The following MCM9 variants were observed in gnomAD, a reference collection of about 807,000 sequenced individuals.
MCM9 encodes the protein DNA helicase MCM9.
In MCM9, 55 loss-of-function variants were observed where a neutral mutation model predicts 72.8. The ratio of observed to expected loss-of-function variants is 0.76; its 90% confidence interval spans 0.61 to 0.95. MCM9 has a LOEUF of 0.95. Among genes scored for constraint, MCM9 ranks in the 40% least tolerant of loss-of-function variants. The probability of loss-of-function intolerance (pLI) is 0.00; values close to 1 mark genes in which losing one functional copy is unlikely to be tolerated. For synonymous variants in MCM9, 480 were observed against 503.4 expected, an observed-to-expected ratio of 0.95 and a Z score of 0.62; for missense variants, 1,279 against 1,377.0, an observed-to-expected ratio of 0.93 and a Z score of 1.13.
At chr6:118,884,665 T>C (rs188947324) in intron 8 of MCM9, among the ~76,000 whole-genome samples, 4 of 152,242 alleles carry the variant, frequency 2.6e-5, no homozygotes, top group Admixed American at 2.6e-4. Flanking sequence ...AAACCAACTA[T>C]ATGCTATCTA....
intron 13 of MCM9, among the ~76,000 whole-genome samples, chr6:118,823,240 G>A (rs1031643911): frequency 4.6e-5 from 7 of 152,124 alleles, no homozygotes; most frequent in Non-Finnish European, 1.0e-4. Flanking sequence ...GGTGGTGTAG[G>A]CTCATGAGGG....
intron 8 of MCM9, among the ~76,000 whole-genome samples, chr6:118,859,194 A>G (rs1011792264): frequency 2.6e-5 from 4 of 152,236 alleles, no homozygotes; most frequent in Admixed American, 2.6e-4. Flanking sequence ...GTGCTGGAGT[A>G]ACTGAATATC....
Position 118,888,444 on chromosome 6 carries a change from G to A in MCM9, c.1150+23206C>T, listed in dbSNP as rs994604501. Among the ~76,000 whole-genome samples the A allele has an allele frequency of 7.2e-5, 11 of 152,208 alleles. No homozygotes were observed. The East Asian group carries it at 7.7e-4, about 11-fold the overall frequency. Reference sequence around the variant, plus strand: ...AGAGCTTGCAGTGAGCCGAGATCACGCCACTGCACTCCAGCCTGGGTGACA... The same window carrying A: ...AGAGCTTGCAGTGAGCCGAGATCACACCACTGCACTCCAGCCTGGGTGACA... On this transcript the variant is annotated intron_variant, in intron 8 of 13. Transcript: ENST00000619706.
At chr6:118,916,047 G>C (rs747358309) in intron 6 of MCM9, among the ~76,000 whole-genome samples, 1 of 151,918 alleles carries the variant, frequency 6.6e-6, no homozygotes, top group East Asian at 1.9e-4. Flanking sequence ...TTTTTATAAG[G>C]ATAGAATCCT....
At chr6:118,869,599 C>CAAAAAAAAAAAAAAAAAAAAAAAAA in intron 8 of MCM9, among the ~76,000 whole-genome samples, 2 of 58,306 alleles carry the variant, frequency 3.4e-5, no homozygotes, top group Admixed American at 2.3e-4. Flanking sequence ...AAAGGATTTA[C>CAAAAAAAAAAAAAAAAAAAAAAAAA]AAAAAAAAAA....
intron 9 of MCM9, among the ~76,000 whole-genome samples, chr6:118,846,323 C>T (rs1775859412): frequency 6.6e-6 from 1 of 151,674 alleles, no homozygotes; most frequent in Non-Finnish European, 1.5e-5. Flanking sequence ...GAAATAAACA[C>T]CAGAAACCAG....
Position 118,815,416 on chromosome 6 carries a change from T to G in MCM9, c.2840A>C (p.Lys947Thr), listed in dbSNP as rs751098427. ...DHSHVSPGAT[K>T]IAVHSPKISQ... ...AATTTTAGGACTATGAACTGCTATT[T>G]TAGTTGCACCAGGTGACACATGGCT... The change falls in exon 14 of 14, where the codon AAA (lysine) becomes ACA (threonine). Residue 947 changes from lysine to threonine, a missense_variant. Physicochemically the swap from Lys to Thr is moderately conservative, Grantham distance 78 (BLOSUM62 -1). Transcript: ENST00000619706. The G allele has an allele frequency of 5.8e-5, 90 of 1,550,490 alleles. No individual in the cohort carries two copies. The highest frequency in any genetic ancestry group is 1.7e-4 in the Middle Eastern group (1 of 6,010).
chr6:118,930,402 G>A lies in MCM9; in HGVS notation c.304+1018C>T, dbSNP rs148309190. ...GCTGGGATTACAGGCGTGAGCCACC[G>A]CGCCCGGCTGCTAAATATTTATTTT... On this transcript the variant is annotated intron_variant, in intron 3 of 13. Transcript: ENST00000619706. Among the ~76,000 whole-genome samples, 753 of 152,260 alleles carry A rather than the reference G, an allele frequency of 4.9e-3. 7 individuals carry two copies. Among genetic ancestry groups the A allele is most frequent in the African/African-American group, 0.017 (723 of 41,556 alleles).
chr6:118,915,709 G>C (rs184507987), intron 6 of MCM9, among the ~76,000 whole-genome samples: 137 of 152,266 alleles, frequency 9.0e-4, no homozygotes, highest in Middle Eastern at 3.4e-3. Flanking sequence ...CTGAAATGGA[G>C]GAATACCAGT....
intron 9 of MCM9, among the ~76,000 whole-genome samples, chr6:118,835,530 C>T (rs1367587803): frequency 1.3e-5 from 2 of 152,108 alleles, no homozygotes; most frequent in African/African-American, 4.8e-5. Context: ...TTTCCTTGAG[C>T]AGTGGTTTGT....
In MCM9 at chr6:118,827,998, C is replaced by T; in HGVS notation, c.1661G>A (p.Arg554Lys). Residue 554 changes from arginine (R) to lysine (K), a missense_variant, in exon 11 of 14, where the codon AGG becomes AAG. Arg to Lys is a conservative substitution (Grantham distance 26, BLOSUM62 2). Coordinates refer to ENST00000619706, the MANE Select transcript of MCM9 (RefSeq NM_017696.3). ...GGCAGCGTTCCGGCAATCACTCTGC[C>T]TTTGCATCTGGTAGTACCGGAGAAG... ...QVLLRYYQMQ[R>K]QSDCRNAART... 1 of 1,550,924 alleles carries T rather than the reference C, an allele frequency of 6.4e-7. No homozygotes were observed. Among genetic ancestry groups the T allele is most frequent in the Non-Finnish European group, 8.7e-7 (1 of 1,147,076 alleles).
rs141953044 is a variant in MCM9 at position 118,864,966 on chromosome 6, G to C, written c.1151-8421C>G. Among the ~76,000 whole-genome samples the C allele has an allele frequency of 2.0e-3, 307 of 152,256 alleles. 2 individuals carry two copies. Among genetic ancestry groups the C allele is most frequent in the African/African-American group, 6.9e-3 (288 of 41,534 alleles). ...CTTGTCTTCTAACGAACTTGCTTCA[G>C]GAAGTTAAAGAGGCAGACAAATATA... On this transcript the variant is annotated intron_variant, in intron 8 of 13. Coordinates refer to ENST00000619706, the MANE Select transcript of MCM9 (RefSeq NM_017696.3).
chr6:118,841,258 G>C (rs2114614623), intron 9 of MCM9, among the ~76,000 whole-genome samples: 1 of 152,282 alleles, frequency 6.6e-6, no homozygotes, highest in South Asian at 2.1e-4. Context: ...TGGCACACTT[G>C]GATACCTCCA....
chr6:118,822,228 TG>T (rs1773863811), intron 13 of MCM9, among the ~76,000 whole-genome samples: 1 of 152,220 alleles, frequency 6.6e-6, no homozygotes, highest in African/African-American at 2.4e-5. Flanking sequence ...TCAGCATTTT[TG>T]TGCTGGTTTT....
At chr6:118,847,267 A>G (rs1775928831) in intron 9 of MCM9, among the ~76,000 whole-genome samples, 1 of 151,702 alleles carries the variant, frequency 6.6e-6, no homozygotes, top group Non-Finnish European at 1.5e-5. Context: ...AGATGGAAAC[A>G]ACAAACACTG....
chr6:118,896,460 G>C (rs569204437), intron 8 of MCM9, among the ~76,000 whole-genome samples: 35 of 152,250 alleles, frequency 2.3e-4, no homozygotes, highest in African/African-American at 8.2e-4. Flanking sequence ...TGTCGTTACA[G>C]GGCTTTTACA....
intron 8 of MCM9, among the ~76,000 whole-genome samples, chr6:118,877,254 G>A (rs1038746495): frequency 6.6e-6 from 1 of 152,146 alleles, no homozygotes; most frequent in Non-Finnish European, 1.5e-5. Context: ...ACATGGAACA[G>A]AAAAAACCTG....
Position 118,814,470 on chromosome 6 carries a change from G to A in MCM9, c.*354C>T, listed in dbSNP as rs376909828. 1.2e-5 allele frequency: 2 copies of A among 172,982 alleles called. No individual in the cohort carries two copies. Among genetic ancestry groups the A allele is most frequent in the African/African-American group, 2.4e-5 (1 of 41,886 alleles). 10.7% of individuals were successfully genotyped at this position (172,982 alleles called of 1,614,324 possible). A position where few individuals can be genotyped will look rare whatever the true frequency, so the allele number is the denominator to read the frequency against. On this transcript the variant is annotated 3_prime_UTR_variant, in exon 14 of 14. Coordinates refer to ENST00000619706, the MANE Select transcript of MCM9 (RefSeq NM_017696.3). ...TGCTACCTTCTTGACATTTGTTCCT[G>A]AGTGAATGAAAGAAGAAATTAATCT... is the stretch of plus-strand genomic sequence containing the variant.
chr6:118,892,821 T>C (rs543333298), intron 8 of MCM9, among the ~76,000 whole-genome samples: 1 of 152,258 alleles, frequency 6.6e-6, no homozygotes, highest in African/African-American at 2.4e-5. Context: ...TCTAACCGGT[T>C]TTCCTAAATG....
Sources: gnomAD v4.1 joint callset for allele counts (sites outside exome capture counted in the v4.1 genomes callset) on GRCh38, gnomAD v4.1.1 for gene constraint, MANE v1.5 for transcripts, NCBI Gene and HGNC (gene_info 2026-07-23, HGNC 2026-07-21) for gene names.